DESI2: variants seen among roughly 807,000 people sequenced by gnomAD.
The protein encoded by DESI2 is deubiquitinase DESI2.
Under a neutral mutation model 24.1 loss-of-function variants are expected in DESI2, and 10 were observed. That is an observed-to-expected ratio of 0.41 (90% CI 0.26 to 0.70). The LOEUF (loss-of-function observed/expected upper bound fraction) is 0.70, where lower values mean the gene tolerates loss of function less well. Among genes scored for constraint, DESI2 ranks in the 30% least tolerant of loss-of-function variants. The pLI is 0.29. For missense variants in DESI2, 122 were observed against 234.9 expected (o/e 0.52, Z 3.14); for synonymous variants, 71 against 87.7 (o/e 0.81, Z 1.06).
At chr1:244,678,867 A>G (rs1342606038) in intron 1 of DESI2, among the ~76,000 whole-genome samples, 1 of 152,252 alleles carries the variant, frequency 6.6e-6, no homozygotes, top group African/African-American at 2.4e-5. Context: ...AATCAACAGT[A>G]TACAGACCAA....
At chr1:244,663,868 A>G (rs886224933) in intron 1 of DESI2, among the ~76,000 whole-genome samples, 1 of 151,952 alleles carries the variant, frequency 6.6e-6, no homozygotes, top group African/African-American at 2.4e-5. Context: ...AATACAAAAA[A>G]TTAGCCAGGC....
chr1:244,699,968 T>C (rs1677380598), intron 4 of DESI2, among the ~76,000 whole-genome samples: 1 of 152,218 alleles, frequency 6.6e-6, no homozygotes, highest in Non-Finnish European at 1.5e-5. Context: ...CACCTCCAGA[T>C]GTCATCCACA....
At chr1:244,687,196 T>C (rs973896184) in intron 2 of DESI2, among the ~76,000 whole-genome samples, 1 of 152,184 alleles carries the variant, frequency 6.6e-6, no homozygotes, top group Non-Finnish European at 1.5e-5. Context: ...AATCCTGCCA[T>C]GATTACATCT....
intron 1 of DESI2, among the ~76,000 whole-genome samples, chr1:244,682,177 G>A (rs1676638887): frequency 6.6e-6 from 1 of 152,178 alleles, no homozygotes; most frequent in Non-Finnish European, 1.5e-5. Context: ...GACCTGAGCA[G>A]GTTGTGGCTG....
intron 4 of DESI2, among the ~76,000 whole-genome samples, chr1:244,699,438 C>T (rs752451733): frequency 7.9e-4 from 120 of 151,508 alleles, no homozygotes; most frequent in Non-Finnish European, 1.6e-3. Flanking sequence ...AGAAATTAGC[C>T]GGGCATGGTG....
rs540516863 is a variant in DESI2, at chr1:244,707,655, G to A, written c.*1866G>A. 1 of 152,276 alleles carries A rather than the reference G, an allele frequency of 6.6e-6. No homozygotes were observed. Among genetic ancestry groups the A allele is most frequent in the South Asian group, 2.1e-4 (1 of 4,818 alleles). 9.4% of individuals were successfully genotyped at this position (152,276 alleles called of 1,614,324 possible). ...GCTTGTAATATTTTTAATAATGTGA[G>A]GAGTACAGTGTTTTCTAATTCATTC... On this transcript the variant is annotated 3_prime_UTR_variant, in exon 5 of 5. Transcript: ENST00000302550.
chr1:244,681,322 TC>T (rs1282331907), intron 1 of DESI2, among the ~76,000 whole-genome samples: 1 of 152,144 alleles, frequency 6.6e-6, no homozygotes, highest in African/African-American at 2.4e-5. Flanking sequence ...ACGGGCTTCT[TC>T]CATTCCATTT....
At chr1:244,696,317 A>C (rs1012291311) in intron 4 of DESI2, among the ~76,000 whole-genome samples, 4 of 152,214 alleles carry the variant, frequency 2.6e-5, no homozygotes, top group Non-Finnish European at 5.9e-5. Flanking sequence ...CCTGAGATAC[A>C]TTCCCCATAG....
At chr1:244,694,445 T>G in intron 4 of DESI2, 3 of 765,362 alleles carry the variant, frequency 3.9e-6, no homozygotes, top group Admixed American at 3.5e-5. Context: ...ATGAACTGGA[T>G]GCTGCAGCAG....
intron 1 of DESI2, among the ~76,000 whole-genome samples, chr1:244,677,899 G>A (rs773161821): frequency 6.6e-6 from 1 of 152,154 alleles, no homozygotes; most frequent in Non-Finnish European, 1.5e-5. Flanking sequence ...CAGCCTAGGC[G>A]ACAGAGTGAG....
intron 1 of DESI2, among the ~76,000 whole-genome samples, chr1:244,660,921 C>T (rs1675818640): frequency 6.6e-6 from 1 of 152,108 alleles, no homozygotes; most frequent in Non-Finnish European, 1.5e-5. Flanking sequence ...AGGCCAGTTT[C>T]CCTTTACTAT....
intron 4 of DESI2, among the ~76,000 whole-genome samples, chr1:244,698,474 C>G (rs1222698936): frequency 6.6e-6 from 1 of 152,184 alleles, no homozygotes. Context: ...TTAGAAAGCA[C>G]TTAGGAAAGC....
intron 1 of DESI2, chr1:244,656,348 A>C (rs946489021): frequency 1.1e-4 from 16 of 152,226 alleles, no homozygotes; most frequent in African/African-American, 3.9e-4. Context: ...CGTATGCATG[A>C]AAATAATTCT....
chr1:244,657,160 A>G (rs960881094), intron 1 of DESI2, among the ~76,000 whole-genome samples: 3 of 152,238 alleles, frequency 2.0e-5, no homozygotes, highest in African/African-American at 7.2e-5. Flanking sequence ...CACTTCAAAT[A>G]AGGACATTTT....
chr1:244,703,334 A>G (rs779654848), intron 4 of DESI2, among the ~76,000 whole-genome samples: 2 of 151,790 alleles, frequency 1.3e-5, no homozygotes, highest in Non-Finnish European at 2.9e-5. Flanking sequence ...TTAAGAGCAG[A>G]TGTAGTTCAT....
intron 4 of DESI2, among the ~76,000 whole-genome samples, chr1:244,698,366 A>G (rs1677302759): frequency 6.6e-6 from 1 of 152,358 alleles, no homozygotes; most frequent in African/African-American, 2.4e-5. Context: ...AACATTTTTA[A>G]AGCAGTTTTT....
chr1:244,704,983 T>C (rs991620660), intron 4 of DESI2, among the ~76,000 whole-genome samples: 1 of 152,074 alleles, frequency 6.6e-6, no homozygotes, highest in African/African-American at 2.4e-5. Flanking sequence ...TGAGACACTC[T>C]TATCACCCAG....
At chr1:244,670,271 C>T (rs1676203004) in intron 1 of DESI2, among the ~76,000 whole-genome samples, 1 of 152,166 alleles carries the variant, frequency 6.6e-6, no homozygotes, top group African/African-American at 2.4e-5. Flanking sequence ...ATAAATAATT[C>T]TTGTAGGAGT....
At chr1:244,679,184 A>G (rs887721415) in intron 1 of DESI2, among the ~76,000 whole-genome samples, 2 of 152,064 alleles carry the variant, frequency 1.3e-5, no homozygotes, top group Admixed American at 6.5e-5. Flanking sequence ...CTGGGACTAC[A>G]GGCACGCACC....
Sources: gnomAD v4.1 joint callset for allele counts (sites outside exome capture counted in the v4.1 genomes callset) on GRCh38, gnomAD v4.1.1 for gene constraint, MANE v1.5 for transcripts, NCBI Gene and HGNC (gene_info 2026-07-23, HGNC 2026-07-21) for gene names.